TMPRSS13: variants seen among roughly 807,000 people sequenced by gnomAD.
TMPRSS13 encodes the protein transmembrane serine protease 13.
Under a neutral mutation model 68.4 loss-of-function variants are expected in TMPRSS13, and 50 were observed. That is an observed-to-expected ratio of 0.73 (90% CI 0.58 to 0.93). The LOEUF is 0.93. TMPRSS13 is among the 40% of genes least tolerant of loss of function. The pLI is 0.00. For missense variants in TMPRSS13, 615 were observed against 729.2 expected, an observed-to-expected ratio of 0.84 and a Z score of 1.80; for synonymous variants, 267 against 285.8, an observed-to-expected ratio of 0.93 and a Z score of 0.66.
intron 1 of TMPRSS13, among the ~76,000 whole-genome samples, chr11:117,920,700 G>C (rs1308328038): frequency 6.6e-6 from 1 of 151,972 alleles, no homozygotes; most frequent in Non-Finnish European, 1.5e-5. Context: ...TGTTGGCCAG[G>C]CTGGTCTCAA....
chr11:117,918,448 T>C lies in TMPRSS13; in HGVS notation c.412A>G (p.Arg138Gly), dbSNP rs1308423177. Reference protein sequence around the residue: ...GAVPIRSSPARSAPATRATRE... With the variant: ...GAVPIRSSPAGSAPATRATRE... ...GTGGCCCTGGTTGCTGGTGCTGACC[T>C]GGCAGGAGATGATCGGATGGGTACA... Residue 138 changes from arginine (R) to glycine (G), a missense_variant, in exon 2 of 13, where the codon AGG becomes GGG. By Grantham distance (125) the Arg-to-Gly change is moderately radical. Coordinates refer to ENST00000524993, the MANE Select transcript of TMPRSS13 (RefSeq NM_001077263.3). The C allele has an allele frequency of 2.5e-6, 4 of 1,613,990 alleles. No individual in the cohort carries two copies. The highest frequency in any genetic ancestry group is 3.4e-6 in the Non-Finnish European group (4 of 1,179,976).
chr11:117,914,270 T>C lies in TMPRSS13; in HGVS notation c.679+122A>G, dbSNP rs549418434. 1.2e-4 allele frequency: 160 copies of C among 1,339,810 alleles called. No individual in the cohort carries two copies. The highest frequency in any genetic ancestry group is 2.8e-4 in the East Asian group (12 of 43,254). 83.0% of individuals were successfully genotyped at this position (1,339,810 alleles called of 1,614,324 possible). A position where few individuals can be genotyped will look rare whatever the true frequency, so the allele number is the denominator to read the frequency against. On this transcript the variant is annotated intron_variant, in intron 4 of 12. Coordinates refer to ENST00000524993, the MANE Select transcript of TMPRSS13 (RefSeq NM_001077263.3). The surrounding 1 kb of genome is among the most constrained non-coding windows in gnomAD (Gnocchi z 4.2). ...ACATGCATACACACAAACATGCACATACACACACATGCACGCACACATATA... is the reference window on the plus strand; with the variant it reads ...ACATGCATACACACAAACATGCACACACACACACATGCACGCACACATATA...
At chr11:117,904,896 TATATATA>T in intron 10 of TMPRSS13, among the ~76,000 whole-genome samples, 1 of 78,248 alleles carries the variant, frequency 1.3e-5, no homozygotes, top group Non-Finnish European at 2.5e-5. Context: ...TATATATATA[TATATATA>T]TTCTTAATTG....
chr11:117,909,736 C>T, intron 8 of TMPRSS13, 70 bp downstream of exon 8: 1 of 1,532,850 alleles, frequency 6.5e-7, no homozygotes, highest in South Asian at 1.2e-5. Context: ...AGAAGTCAGT[C>T]TGCAGCCAGC....
intron 9 of TMPRSS13, among the ~76,000 whole-genome samples, chr11:117,906,691 A>G (rs2057467809): frequency 6.6e-6 from 1 of 152,184 alleles, no homozygotes; most frequent in Non-Finnish European, 1.5e-5. Context: ...AAGGAATAGC[A>G]TGCATTATTA....
chr11:117,910,113 C>T (rs1591620431), intron 7 of TMPRSS13, 145 bp from the exon 8 acceptor site: 16 of 953,288 alleles, frequency 1.7e-5, no homozygotes, highest in South Asian at 3.4e-5. Context: ...CTTCCATGGA[C>T]GGGCTTTGCT....
At chr11:117,921,286 T>A (rs1414292977) in intron 1 of TMPRSS13, among the ~76,000 whole-genome samples, 7 of 151,038 alleles carry the variant, frequency 4.6e-5, no homozygotes, top group Admixed American at 2.0e-4. Context: ...TTTGCACCAT[T>A]ATGTGATTTG....
rs2057561848 is a variant in TMPRSS13, at chr11:117,914,929, G to A, written c.557-415C>T. ...CTTCTCTGTGCTCCGCAGGGTCACA[G>A]CAGATAAATTTCTGTCCTCACAGTC... On this transcript the variant is annotated intron_variant, in intron 3 of 12. Coordinates refer to ENST00000524993, the MANE Select transcript of TMPRSS13 (RefSeq NM_001077263.3). The surrounding 1 kb of genome is among the most constrained non-coding windows in gnomAD (Gnocchi z 4.2). Among the ~76,000 whole-genome samples the A allele has an allele frequency of 6.6e-6, 1 of 152,160 alleles. No individual in the cohort carries two copies. The highest frequency in any genetic ancestry group is 1.5e-5 in the Non-Finnish European group (1 of 68,040).
In TMPRSS13 at chr11:117,920,233, G is replaced by T. The variant is rs61570248; in HGVS notation, c.22-1395C>A. Among the ~76,000 whole-genome samples, 498 of 152,338 alleles carry T rather than the reference G, an allele frequency of 3.3e-3. 3 individuals carry two copies. Among genetic ancestry groups the T allele is most frequent in the African/African-American group, 0.011 (465 of 41,584 alleles). On this transcript the variant is annotated intron_variant, in intron 1 of 12. Transcript: ENST00000524993. ...TCTCCTATCTGTAAGCTAGAGCGAA[G>T]CACCTTGCTTCGTGGTACTGAGGTC...
chr11:117,919,156 A>G (rs1463189687), intron 1 of TMPRSS13, among the ~76,000 whole-genome samples: 1 of 152,176 alleles, frequency 6.6e-6, no homozygotes, highest in Non-Finnish European at 1.5e-5. Context: ...GGGTTAAAGG[A>G]AGAGGCTGCT....
chr11:117,911,922 C>T (rs977375219), intron 5 of TMPRSS13, 62 bp from the exon 6 acceptor site: 15 of 1,432,316 alleles, frequency 1.0e-5, no homozygotes, highest in Admixed American at 3.4e-5. Flanking sequence ...CCAAGTCCTC[C>T]AGCAGGCTAG....
Position 117,914,393 on chromosome 11 carries a change from G to A in TMPRSS13, c.678C>T (p.Cys226=), listed in dbSNP as rs147549220. Residue 226 remains cysteine (C), a splice_region_variant and synonymous_variant, in exon 4 of 13, where the codon TGC becomes TGT. Coordinates refer to ENST00000524993, the MANE Select transcript of TMPRSS13 (RefSeq NM_001077263.3). The surrounding 1 kb of genome is among the most constrained non-coding windows in gnomAD (Gnocchi z 4.2). ...CTCCCCCGCACCCAGCCTCCTTACC[G>A]CAGCCCAGCTCGTCACTCTTCAGCT... is the stretch of plus-strand genomic sequence containing the variant. ...DCKLKSDELG[C]VRFDWDKSLL... 137 of 1,613,336 alleles carry A rather than the reference G, an allele frequency of 8.5e-5. No homozygotes were observed. In the East Asian group the frequency reaches 1.8e-3, roughly 21 times the overall value.
rs371192091 is a variant in TMPRSS13, at chr11:117,918,557, G to A, written c.303C>T (p.Ser101=). ...CTGACCTGGCGGATGATGACCTGCC[G>A]GATGAGGACCTGGAAAGTGATGCCA... The part of the protein sequence containing the change: ...PALASLSRSS[S]GRSSSARSAS... Residue 101 remains serine (S), a synonymous_variant, in exon 2 of 13, where the codon TCC becomes TCT. Transcript: ENST00000524993. 2,021 of 1,614,224 alleles carry A rather than the reference G, an allele frequency of 1.3e-3. No homozygotes were observed. Among genetic ancestry groups the A allele is most frequent in the Non-Finnish European group, 1.6e-3 (1,840 of 1,180,042 alleles).
chr11:117,907,405 AG>A, intron 9 of TMPRSS13: 1 of 152,324 alleles, frequency 6.6e-6, no homozygotes, highest in South Asian at 2.1e-4. Flanking sequence ...AGCTCTACCC[AG>A]GGATCCTCCT....
chr11:117,902,134 G>A lies in TMPRSS13; in HGVS notation c.*105C>T, dbSNP rs562793995. On this transcript the variant is annotated 3_prime_UTR_variant, in exon 13 of 13. Transcript: ENST00000524993. ...CAGCAGACAGTGGAGGTGGGAGTCC[G>A]ATGGTGCCCGGTGGCCATTAGCCCA... 8.7e-4 allele frequency: 1,141 copies of A among 1,308,170 alleles called. 2 individuals are homozygous for A. Among genetic ancestry groups the A allele is most frequent in the Non-Finnish European group, 8.6e-4 (793 of 922,254 alleles). 81.0% of individuals were successfully genotyped at this position (1,308,170 alleles called of 1,614,324 possible). A position where few individuals can be genotyped will look rare whatever the true frequency, so the allele number is the denominator to read the frequency against.
At chr11:117,902,613 C>T (rs531694177) in intron 12 of TMPRSS13, among the ~76,000 whole-genome samples, 41 of 152,360 alleles carry the variant, frequency 2.7e-4, no homozygotes, top group African/African-American at 9.1e-4. Context: ...TGTTTCCTGA[C>T]ACCGAAATTC....
chr11:117,928,419 A>T (rs1046735185), intron 1 of TMPRSS13, among the ~76,000 whole-genome samples: 2 of 152,234 alleles, frequency 1.3e-5, no homozygotes, highest in Non-Finnish European at 2.9e-5. Flanking sequence ...TATAAGCCAA[A>T]ACATAGGATG....
rs539623856 is a variant in TMPRSS13, at chr11:117,929,291, T to G, written c.17A>C (p.His6Pro). 5.6e-6 allele frequency: 9 copies of G among 1,606,202 alleles called. No homozygotes were observed. The African/African-American group carries it at 6.7e-5, about 12-fold the overall frequency. MERDS[H>P]GNASPARTPS... ...GAGGCCTGAGGTCACACTCACCCCG[T>G]GGCTGTCCCTCTCCATGGTCTCTGA... The change falls in exon 1 of 13, where the codon CAC becomes CCC. Residue 6 changes from histidine (H) to proline (P), a missense_variant. His to Pro is a moderately conservative substitution (Grantham distance 77). Coordinates refer to ENST00000524993, the MANE Select transcript of TMPRSS13 (RefSeq NM_001077263.3).
chr11:117,927,297 A>G (rs1024080425), intron 1 of TMPRSS13, among the ~76,000 whole-genome samples: 4 of 152,344 alleles, frequency 2.6e-5, no homozygotes, highest in Admixed American at 6.5e-5. Context: ...TCTTTGCTCA[A>G]TTAAACTCTG....
Sources: gnomAD v4.1 joint callset for allele counts (sites outside exome capture counted in the v4.1 genomes callset) on GRCh38, gnomAD v4.1.1 for gene constraint, Gnocchi (gnomAD v3.1) non-coding constraint, MANE v1.5 for transcripts, NCBI Gene and HGNC (gene_info 2026-07-23, HGNC 2026-07-21) for gene names.